GALNTL6: variants seen among roughly 807,000 people sequenced by gnomAD.
GALNTL6 encodes polypeptide N-acetylgalactosaminyltransferase like 6, also known as polypeptide N-acetylgalactosaminyltransferase-like 6.
GALNTL6 carries 46 observed loss-of-function variants against 73.7 expected under a neutral mutation model. The observed-to-expected ratio is 0.62, with a 90% CI of 0.49 to 0.80. The LOEUF (loss-of-function observed/expected upper bound fraction) is 0.80. Ranked by LOEUF, GALNTL6 falls within the 30% of genes least tolerant of loss-of-function variation. GALNTL6 has a pLI of 0.00. For synonymous variants in GALNTL6, 259 were observed against 263.7 expected, an observed-to-expected ratio of 0.98 and a Z score of 0.17; for missense variants, 604 against 755.0, an observed-to-expected ratio of 0.80 and a Z score of 2.34.
At chr4:172,870,596 T>C (rs1027049060) in intron 7 of GALNTL6, among the ~76,000 whole-genome samples, 2 of 152,204 alleles carry the variant, frequency 1.3e-5, no homozygotes, top group Admixed American at 6.5e-5. Context: ...AGGTTTGACA[T>C]GAAATGAAAA....
At chr4:171,947,967 G>A (rs1211429310) in intron 2 of GALNTL6, among the ~76,000 whole-genome samples, 1 of 152,104 alleles carries the variant, frequency 6.6e-6, no homozygotes, top group African/African-American at 2.4e-5. Flanking sequence ...TCATATAAAT[G>A]TTATTATATA....
chr4:171,878,351 A>T (rs114558288), intron 2 of GALNTL6, among the ~76,000 whole-genome samples: 1 of 152,266 alleles, frequency 6.6e-6, no homozygotes, highest in Non-Finnish European at 1.5e-5. Flanking sequence ...TTTTGTTTTG[A>T]CAGTTTTGTT....
chr4:172,352,657 A>G (rs1741980202), intron 5 of GALNTL6, among the ~76,000 whole-genome samples: 1 of 152,120 alleles, frequency 6.6e-6, no homozygotes, highest in Admixed American at 6.5e-5. Context: ...TGAACTTTGC[A>G]TGCTTAGATG....
chr4:172,477,481 C>T (rs1389357557), intron 5 of GALNTL6, among the ~76,000 whole-genome samples: 3 of 152,076 alleles, frequency 2.0e-5, no homozygotes, highest in South Asian at 4.1e-4. Flanking sequence ...TACACATTTG[C>T]TATGATCTGA....
intron 2 of GALNTL6, among the ~76,000 whole-genome samples, chr4:171,963,746 G>A (rs1011829242): frequency 2.0e-5 from 3 of 152,056 alleles, no homozygotes; most frequent in South Asian, 4.1e-4. Context: ...TTAACATAAC[G>A]ACATTACAAA....
intron 2 of GALNTL6, among the ~76,000 whole-genome samples, chr4:171,918,424 A>G (rs1737689516): frequency 1.3e-5 from 2 of 152,120 alleles, no homozygotes; most frequent in African/African-American, 4.8e-5. Context: ...TCTTAAGAAA[A>G]AATCTCATAA....
chr4:172,068,769 G>A (rs1375795908), intron 2 of GALNTL6, among the ~76,000 whole-genome samples: 1 of 111,148 alleles, frequency 9.0e-6, no homozygotes, highest in Non-Finnish European at 2.0e-5. Flanking sequence ...ATGCACAGCA[G>A]TTAGTAAAGA....
chr4:173,023,509 T>C (rs548236183), intron 12 of GALNTL6, among the ~76,000 whole-genome samples: 4 of 152,136 alleles, frequency 2.6e-5, no homozygotes, highest in African/African-American at 9.6e-5. Flanking sequence ...AATACAAAAT[T>C]AGCCAGGCAT....
chr4:172,502,850 C>T (rs756281659), intron 5 of GALNTL6, among the ~76,000 whole-genome samples: 8 of 152,146 alleles, frequency 5.3e-5, no homozygotes, highest in Admixed American at 2.0e-4. Flanking sequence ...AGTTCTGTCA[C>T]GGTCAAGAGC....
At chr4:172,797,160 G>T (rs1026846055) in intron 5 of GALNTL6, among the ~76,000 whole-genome samples, 3 of 152,192 alleles carry the variant, frequency 2.0e-5, no homozygotes, top group Non-Finnish European at 4.4e-5. Flanking sequence ...AAGCAATGCA[G>T]CAATGAAAGT....
intron 2 of GALNTL6, among the ~76,000 whole-genome samples, chr4:172,139,047 T>A (rs1733732426): frequency 6.6e-6 from 1 of 152,056 alleles, no homozygotes; most frequent in Admixed American, 6.6e-5. Flanking sequence ...AAGGGAAAGG[T>A]GGCAGACAAA....
At chr4:172,538,730 C>T (rs1735441667) in intron 5 of GALNTL6, among the ~76,000 whole-genome samples, 1 of 152,064 alleles carries the variant, frequency 6.6e-6, no homozygotes, top group Non-Finnish European at 1.5e-5. Flanking sequence ...AGAAGTATAA[C>T]ATTTTACTTC....
At chr4:172,062,278 T>C (rs1221332502) in intron 2 of GALNTL6, among the ~76,000 whole-genome samples, 4 of 152,108 alleles carry the variant, frequency 2.6e-5, no homozygotes, top group Admixed American at 6.6e-5. Context: ...GTAAGAATAC[T>C]GAGAGAGAAA....
intron 5 of GALNTL6, among the ~76,000 whole-genome samples, chr4:172,561,724 T>TA (rs1460361415): frequency 2.0e-5 from 3 of 152,262 alleles, no homozygotes; most frequent in African/African-American, 7.2e-5. Flanking sequence ...GGAAGCCTCT[T>TA]AAAATCTCAA....
At chr4:172,960,928 G>A (rs139024701) in intron 10 of GALNTL6, among the ~76,000 whole-genome samples, 1 of 151,800 alleles carries the variant, frequency 6.6e-6, no homozygotes, top group Admixed American at 6.6e-5. Context: ...AGAGAGTAGA[G>A]ACTTGGAGAG....
chr4:171,940,344 T>C (rs1294124947), intron 2 of GALNTL6, among the ~76,000 whole-genome samples: 1 of 152,056 alleles, frequency 6.6e-6, no homozygotes, highest in Non-Finnish European at 1.5e-5. Context: ...TATTTGGGGA[T>C]GCAAATAAGA....
intron 10 of GALNTL6, among the ~76,000 whole-genome samples, chr4:172,990,314 A>G (rs947828776): frequency 1.3e-5 from 2 of 152,240 alleles, no homozygotes; most frequent in Admixed American, 6.5e-5. Flanking sequence ...GTAGAGAAAG[A>G]AATATTTTTT....
At chr4:172,401,943 G>C (rs1379139073) in intron 5 of GALNTL6, among the ~76,000 whole-genome samples, 1 of 85,652 alleles carries the variant, frequency 1.2e-5, no homozygotes, top group African/African-American at 5.5e-5. Flanking sequence ...GAGGGGGAAA[G>C]GGGGAGGGGG....
chr4:172,191,932 G>A (rs1156813068), intron 2 of GALNTL6, among the ~76,000 whole-genome samples: 6 of 151,744 alleles, frequency 4.0e-5, no homozygotes, highest in African/African-American at 9.7e-5. Context: ...AGCACATACA[G>A]GTATGCATGA....
Sources: allele counts gnomAD v4.1 joint callset (sites outside exome capture counted in the v4.1 genomes callset), GRCh38; gene constraint gnomAD v4.1.1; transcripts MANE v1.5; gene names NCBI Gene and HGNC (gene_info 2026-07-23, HGNC 2026-07-21).